CDH18: variants seen among roughly 807,000 people sequenced by gnomAD.
The protein encoded by CDH18 is cadherin 18.
CDH18 carries 31 observed loss-of-function variants against 67.9 expected under a neutral mutation model. The observed-to-expected ratio is 0.46, with a 90% CI of 0.34 to 0.62. The LOEUF is 0.62. CDH18 is among the 20% of genes least tolerant of loss of function. The pLI, the probability that CDH18 is intolerant of heterozygous loss-of-function variation, is 0.01. For missense variants in CDH18, 890 were observed against 975.5 expected (o/e 0.91, Z 1.17); for synonymous variants, 362 against 347.2 (o/e 1.04, Z -0.48).
At chr5:19,515,137 T>G (rs1282516535) in intron 10 of CDH18, among the ~76,000 whole-genome samples, 2 of 152,116 alleles carry the variant, frequency 1.3e-5, no homozygotes, top group Non-Finnish European at 2.9e-5. Context: ...GTCAAGTTTG[T>G]CAAAAATCAG....
chr5:20,091,804 T>C, intron 2 of CDH18, among the ~76,000 whole-genome samples: 1 of 152,154 alleles, frequency 6.6e-6, no homozygotes, highest in Middle Eastern at 3.4e-3. Flanking sequence ...AAAAAAAACC[T>C]TAAACTTTCA....
chr5:19,474,181 G>A (rs886634343), intron 12 of CDH18, among the ~76,000 whole-genome samples: 27 of 151,574 alleles, frequency 1.8e-4, no homozygotes, highest in Admixed American at 8.6e-4. Context: ...GAGCCTTAAC[G>A]TTAAACCCTT....
intron 2 of CDH18, among the ~76,000 whole-genome samples, chr5:19,959,648 G>A (rs1186057637): frequency 6.6e-6 from 1 of 151,958 alleles, no homozygotes; most frequent in East Asian, 1.9e-4. Flanking sequence ...TCCATATTGA[G>A]TGCTGTATCT....
Position 20,554,043 on chromosome 5 carries a change from A to C in CDH18, c.-580+21419T>G, listed in dbSNP as rs1346546. On this transcript the variant is annotated intron_variant, in intron 1 of 14. Transcript: ENST00000507958. ...CTCTATAAATTTTCAACTCTTTAGG[A>C]ATCTCACTCCTCCTAGTAGCCCCCA... 2.0e-5 allele frequency among the ~76,000 whole-genome samples: 3 copies of C among 152,192 alleles called. No homozygotes were observed. The East Asian group carries it at 5.8e-4, about 29-fold the overall frequency.
intron 2 of CDH18, among the ~76,000 whole-genome samples, chr5:20,188,238 G>T (rs1487982870): frequency 6.6e-6 from 1 of 151,844 alleles, no homozygotes; most frequent in East Asian, 1.9e-4. Flanking sequence ...TTTAAGCATG[G>T]TAATGAATTA....
intron 1 of CDH18, among the ~76,000 whole-genome samples, chr5:20,514,376 GT>G (rs1486092198): frequency 6.6e-6 from 1 of 152,108 alleles, no homozygotes; most frequent in Non-Finnish European, 1.5e-5. Context: ...GCAGCTTCTT[GT>G]ATCAGGTTGC....
chr5:20,010,621 T>C (rs1277163958), intron 2 of CDH18, among the ~76,000 whole-genome samples: 2 of 152,198 alleles, frequency 1.3e-5, no homozygotes, highest in Non-Finnish European at 2.9e-5. Flanking sequence ...AATCTTTATC[T>C]GATTTGAATT....
chr5:20,174,323 T>C (rs1737064384), intron 2 of CDH18, among the ~76,000 whole-genome samples: 1 of 152,188 alleles, frequency 6.6e-6, no homozygotes, highest in African/African-American at 2.4e-5. Context: ...TCTACTCTAC[T>C]CTCAGCCCTG....
chr5:19,506,427 C>G (rs1397486413), intron 10 of CDH18, among the ~76,000 whole-genome samples: 1 of 152,070 alleles, frequency 6.6e-6, no homozygotes, highest in Non-Finnish European at 1.5e-5. Context: ...TCATATGGAA[C>G]CAAAAAAGAG....
At chr5:20,130,258 T>C (rs185818174) in intron 2 of CDH18, among the ~76,000 whole-genome samples, 1 of 151,746 alleles carries the variant, frequency 6.6e-6, no homozygotes, top group Non-Finnish European at 1.5e-5. Flanking sequence ...AGACAGACAT[T>C]TGTTTTAAGG....
chr5:19,586,247 C>A (rs1248857619), intron 7 of CDH18, among the ~76,000 whole-genome samples: 1 of 151,822 alleles, frequency 6.6e-6, no homozygotes, highest in South Asian at 2.1e-4. Flanking sequence ...GCAGGATATG[C>A]AGGTTTGTTA....
At chr5:20,450,237 C>T (rs1470841022) in intron 1 of CDH18, among the ~76,000 whole-genome samples, 1 of 152,070 alleles carries the variant, frequency 6.6e-6, no homozygotes, top group Non-Finnish European at 1.5e-5. Flanking sequence ...ATCCCAGCTA[C>T]TTGGGAGGCT....
intron 1 of CDH18, among the ~76,000 whole-genome samples, chr5:20,410,025 A>T (rs1746635516): frequency 6.6e-6 from 1 of 151,860 alleles, no homozygotes; most frequent in Non-Finnish European, 1.5e-5. Context: ...AATCTATAGC[A>T]GATGGCATCA....
intron 10 of CDH18, among the ~76,000 whole-genome samples, chr5:19,505,086 T>C (rs1050043820): frequency 3.9e-5 from 6 of 152,286 alleles, no homozygotes; most frequent in Admixed American, 3.3e-4. Context: ...TAATTTCAAA[T>C]GCGAATTAAA....
chr5:19,986,932 T>C (rs1799618408), intron 1 of CDH18, among the ~76,000 whole-genome samples: 1 of 152,032 alleles, frequency 6.6e-6, no homozygotes, highest in African/African-American at 2.4e-5. Flanking sequence ...GAGTGAAAAA[T>C]AAAGGTTTGA....
At chr5:19,790,138 A>G (rs550088098) in intron 3 of CDH18, among the ~76,000 whole-genome samples, 2 of 152,062 alleles carry the variant, frequency 1.3e-5, no homozygotes, top group Non-Finnish European at 1.5e-5. Flanking sequence ...TGGGCTCATT[A>G]TATGCTCATA....
intron 2 of CDH18, among the ~76,000 whole-genome samples, chr5:20,105,106 A>G (rs1021167854): frequency 1.3e-5 from 2 of 151,912 alleles, no homozygotes; most frequent in African/African-American, 4.8e-5. Context: ...TCCTGCTTTA[A>G]CCTCTTGAGT....
chr5:19,645,274 T>C (rs912211014), intron 5 of CDH18, among the ~76,000 whole-genome samples: 1 of 152,136 alleles, frequency 6.6e-6, no homozygotes, highest in Non-Finnish European at 1.5e-5. Context: ...GTAGTATTTA[T>C]CAGAGAATGA....
intron 1 of CDH18, among the ~76,000 whole-genome samples, chr5:20,408,069 T>C (rs190540414): frequency 6.6e-6 from 1 of 151,966 alleles, no homozygotes; most frequent in Admixed American, 6.6e-5. Flanking sequence ...TCAGGTTACC[T>C]CTCAGTAGAA....
Sources: gnomAD v4.1 joint callset for allele counts (sites outside exome capture counted in the v4.1 genomes callset) on GRCh38, gnomAD v4.1.1 for gene constraint, MANE v1.5 for transcripts, NCBI Gene and HGNC (gene_info 2026-07-23, HGNC 2026-07-21) for gene names.